Variants in GPNMB observed in about 807,000 individuals in gnomAD.
GPNMB encodes transmembrane glycoprotein NMB.
GPNMB carries 71 observed loss-of-function variants against 57.3 expected under a neutral mutation model. The observed-to-expected ratio is 1.24, with a 90% CI of 1.02 to 1.51. GPNMB has a LOEUF of 1.51. Ranked by LOEUF, GPNMB falls within the 40% of genes most tolerant of loss-of-function variation. The pLI, the probability that GPNMB is intolerant of heterozygous loss-of-function variation, is 0.00. For synonymous variants in GPNMB, 253 were observed against 263.2 expected (o/e 0.96, Z 0.38); for missense variants, 677 against 691.9 (o/e 0.98, Z 0.24).
chr7:23,267,214 T>A (rs1783086055), intron 7 of GPNMB, among the ~76,000 whole-genome samples: 1 of 152,178 alleles, frequency 6.6e-6, no homozygotes, highest in African/African-American at 2.4e-5. Context: ...CAGGATTACC[T>A]TTTCCTGAAA....
Position 23,269,962 on chromosome 7 carries a change from C to T in GPNMB, c.1221-5C>T, listed in dbSNP as rs372382046. 4.6e-5 allele frequency: 74 copies of T among 1,612,012 alleles called. No homozygotes were observed. Among genetic ancestry groups the T allele is most frequent in the African/African-American group, 4.4e-4 (33 of 74,856 alleles). On this transcript the variant is annotated splice_region_variant and splice_polypyrimidine_tract_variant and intron_variant, in intron 8 of 10. Transcript: ENST00000258733. ...GTGCGCCCTCGCCCACCTCCCCTGT[C>T]GCAGCATTCCCACGGAGGTCTGTAC...
intron 4 of GPNMB, among the ~76,000 whole-genome samples, chr7:23,258,420 A>G (rs1302112969): frequency 1.3e-5 from 2 of 152,228 alleles, no homozygotes; most frequent in African/African-American, 2.4e-5. Context: ...TTTCACTGCC[A>G]TTACGACCCC....
At chr7:23,264,892 T>C (rs1783021847) in intron 6 of GPNMB, among the ~76,000 whole-genome samples, 2 of 152,226 alleles carry the variant, frequency 1.3e-5, no homozygotes. Flanking sequence ...AGAAATTTTA[T>C]GGTTTTCTGG....
In GPNMB at chr7:23,273,622, T is replaced by C; in HGVS notation, c.1523+8T>C. On this transcript the variant is annotated splice_region_variant and intron_variant, in intron 10 of 10. Transcript: ENST00000258733. ...CTCCCTCTTGGTGTACAAGTAAGTT[T>C]TTGGTTCCTACGCTTTATATCACTA... The C allele has an allele frequency of 6.4e-7, 1 of 1,553,868 alleles. No individual in the cohort carries two copies. The highest frequency in any genetic ancestry group is 8.9e-7 in the Non-Finnish European group (1 of 1,124,982).
At position 23,258,671 on chromosome 7, in the gene GPNMB, A is replaced by T. The variant is rs114705036; in HGVS notation, c.542-1309A>T. On this transcript the variant is annotated intron_variant, in intron 4 of 10. Transcript: ENST00000258733. ...TCCACTGAGGTCTCAGAGTTAACTG[A>T]TATTCTCCCTCAACTAAGTATGGTC... 4.8e-3 allele frequency among the ~76,000 whole-genome samples: 729 copies of T among 152,344 alleles called. 6 individuals carry two copies. Among genetic ancestry groups the T allele is most frequent in the African/African-American group, 0.017 (692 of 41,574 alleles).
At position 23,269,258 on chromosome 7, in the gene GPNMB, T is replaced by C. The variant is rs188093549; in HGVS notation, c.1221-709T>C. Among the ~76,000 whole-genome samples the C allele has an allele frequency of 2.5e-3, 383 of 152,036 alleles. 8 individuals are homozygous for C. The highest frequency in any genetic ancestry group is 0.021 in the Admixed American group (326 of 15,260). ...AAAATTAGCCAGGAGTGGTGGCAGG[T>C]GCCTGTAATCCCAGCTACTCGGGAG... On this transcript the variant is annotated intron_variant, in intron 8 of 10. Coordinates refer to ENST00000258733, the MANE Select transcript of GPNMB (RefSeq NM_002510.3).
At position 23,274,290 on chromosome 7, in the gene GPNMB, T is replaced by C; in HGVS notation, c.*66T>C. 4 of 1,195,166 alleles carry C rather than the reference T, an allele frequency of 3.3e-6. No homozygotes were observed. The highest frequency in any genetic ancestry group is 2.7e-5 in the South Asian group (2 of 74,200). 74.0% of individuals were successfully genotyped at this position (1,195,166 alleles called of 1,614,324 possible). On this transcript the variant is annotated 3_prime_UTR_variant, in exon 11 of 11. Coordinates refer to ENST00000258733, the MANE Select transcript of GPNMB (RefSeq NM_002510.3). The stretch of plus-strand genomic sequence containing the variant: ...GATGTGAGATGTGCTGGAGTGGCTA[T>C]TAACCTTTTTTTCCTAAAGATTATT...
chr7:23,273,715 A>T (rs927252196), intron 10 of GPNMB, 101 bp downstream of exon 10: 5 of 790,916 alleles, frequency 6.3e-6, no homozygotes, highest in Middle Eastern at 2.3e-4. Context: ...GCTTTTAAAC[A>T]TTTTGTGTAG....
At chr7:23,247,186 A>G (rs1782551375) in intron 1 of GPNMB, 4 of 481,532 alleles carry the variant, frequency 8.3e-6, no homozygotes, top group South Asian at 2.1e-5. Context: ...TTCCATTGCA[A>G]TTGCAACCCA....
intron 7 of GPNMB, 140 bp downstream of exon 7, chr7:23,266,755 A>G: frequency 1.5e-6 from 1 of 659,512 alleles, no homozygotes; most frequent in Non-Finnish European, 2.5e-6. Context: ...CACACATGCA[A>G]GAGCAAAGAC....
At chr7:23,262,412 G>A (rs2128483385) in intron 6 of GPNMB, among the ~76,000 whole-genome samples, 1 of 151,806 alleles carries the variant, frequency 6.6e-6, no homozygotes. Context: ...ATACACATAA[G>A]GTTTGTTTTG....
chr7:23,257,874 A>G (rs960592408), intron 4 of GPNMB: 1 of 151,150 alleles, frequency 6.6e-6, no homozygotes, highest in Admixed American at 6.6e-5. Context: ...ATTGTTAATT[A>G]TTATGGTGTT....
intron 5 of GPNMB, 50 bp downstream of exon 5, chr7:23,260,188 GT>G: frequency 6.3e-7 from 1 of 1,586,950 alleles, no homozygotes; most frequent in Non-Finnish European, 8.6e-7. Context: ...TTCTGTTGAC[GT>G]CAATGGGTTA....
At chr7:23,260,275 T>C in intron 5 of GPNMB, 137 bp downstream of exon 5, 1 of 1,046,068 alleles carries the variant, frequency 9.6e-7, no homozygotes, top group Non-Finnish European at 1.4e-6. Context: ...ATTTAATTAG[T>C]TGTAGTTCAT....
At chr7:23,268,839 A>G (rs2128484937) in intron 8 of GPNMB, among the ~76,000 whole-genome samples, 2 of 152,272 alleles carry the variant, frequency 1.3e-5, no homozygotes, top group East Asian at 3.9e-4. Context: ...GCTGGTGAGA[A>G]GGGGGACTGT....
At chr7:23,260,813 G>T in intron 6 of GPNMB, 40 bp downstream of exon 6, 1 of 1,411,504 alleles carries the variant, frequency 7.1e-7, no homozygotes, top group Non-Finnish European at 9.5e-7. Flanking sequence ...GCTCCTTAAT[G>T]GCTAACAAAA....
Position 23,254,185 on chromosome 7 carries a change from G to A in GPNMB, c.240G>A (p.Ala80=), listed in dbSNP as rs149206943. The A allele has an allele frequency of 4.0e-5, 64 of 1,613,284 alleles. No individual in the cohort carries two copies. The highest frequency in any genetic ancestry group is 1.2e-4 in the South Asian group (11 of 90,964). Residue 80 remains alanine, a synonymous_variant, in exon 3 of 11, where the codon GCG becomes GCA. Transcript: ENST00000258733. The part of the protein sequence containing the change: ...KNSWKGGRVQ[A]VLTSDSPALV... Reference sequence around the variant, plus strand: ...ATACCCTAGGAGGCCGTGTGCAGGCGGTCCTGACCAGTGACTCACCAGCCC... The same window carrying A: ...ATACCCTAGGAGGCCGTGTGCAGGCAGTCCTGACCAGTGACTCACCAGCCC...
Position 23,275,099 on chromosome 7 carries a change from G to A in GPNMB, c.*875G>A, listed in dbSNP as rs1783304574. 1 of 151,802 alleles carries A rather than the reference G, an allele frequency of 6.6e-6. No homozygotes were observed. The highest frequency in any genetic ancestry group is 2.4e-5 in the African/African-American group (1 of 41,338). 9.4% of individuals were successfully genotyped at this position (151,802 alleles called of 1,614,324 possible). ...CTCCTTCCTGAAAAATAAAGTGTGG[G>A]AAGAGACAAGACCTTGGTATTGTAA... On this transcript the variant is annotated 3_prime_UTR_variant, in exon 11 of 11. Transcript: ENST00000258733.
chr7:23,262,216 T>A (rs1380369589), intron 6 of GPNMB, among the ~76,000 whole-genome samples: 1 of 152,246 alleles, frequency 6.6e-6, no homozygotes, highest in Non-Finnish European at 1.5e-5. Flanking sequence ...ATTTCGATTA[T>A]CTCAAAAATG....
Sources: allele counts gnomAD v4.1 joint callset (sites outside exome capture counted in the v4.1 genomes callset), GRCh38; gene constraint gnomAD v4.1.1; transcripts MANE v1.5; gene names NCBI Gene and HGNC (gene_info 2026-07-23, HGNC 2026-07-21).